Variants in KCNQ1OT1 observed in about 807,000 individuals in gnomAD.
KCNQ1OT1 encodes KCNQ1 opposite strand/antisense transcript 1.
At chr11:2,615,479 CTT>C (rs1301142551) in exon 1 of KCNQ1OT1, 1 of 397,870 alleles carries the variant, frequency 2.5e-6, no homozygotes, top group Non-Finnish European at 4.4e-6. Flanking sequence ...ATATCTTACT[CTT>C]TGTTATGGGA....
In KCNQ1OT1 at chr11:2,651,514, A is replaced by T. The variant is rs1257420201; in HGVS notation, n.48481T>A. 1 of 398,548 alleles carries T rather than the reference A, an allele frequency of 2.5e-6. No homozygotes were observed. Among genetic ancestry groups the T allele is most frequent in the Admixed American group, 4.4e-5 (1 of 22,720 alleles). 24.7% of individuals were successfully genotyped at this position (398,548 alleles called of 1,614,324 possible). ...AGAAGCTGTCAGTGTGAAGAACGTG[A>T]ATGCTAAGGGCATATGAGTGTGTCC... On this transcript the variant is annotated non_coding_transcript_exon_variant, in exon 1 of 1. Coordinates refer to ENST00000597346, the Ensembl canonical transcript of KCNQ1OT1. This position sits in a 1 kb window ranked among gnomAD's most constrained non-coding sequence, Gnocchi z 6.1.
chr11:2,677,393 C>T lies in KCNQ1OT1; in HGVS notation n.22602G>A, dbSNP rs1197275991. The T allele has an allele frequency of 2.5e-6, 1 of 398,568 alleles. No individual in the cohort carries two copies. Among genetic ancestry groups the T allele is most frequent in the Non-Finnish European group, 4.4e-6 (1 of 226,060 alleles). The allele number at this position is 398,568 out of a possible 1,614,324, so 24.7% of individuals were successfully genotyped here. A position where few individuals can be genotyped will look rare whatever the true frequency, so the allele number is the denominator to read the frequency against. ...AATCAGTTGAAGAGGAAACCAAGAT[C>T]GATGCCTAGATAAGCATTTCAGAGG... On this transcript the variant is annotated non_coding_transcript_exon_variant, in exon 1 of 1. Coordinates refer to ENST00000597346, the Ensembl canonical transcript of KCNQ1OT1. The surrounding 1 kb of genome is among the most constrained non-coding windows in gnomAD (Gnocchi z 4.5).
exon 1 of KCNQ1OT1, chr11:2,622,282 A>G (rs1215369678): frequency 2.5e-6 from 1 of 398,130 alleles, no homozygotes; most frequent in East Asian, 3.6e-5. Context: ...GTAATTTTCC[A>G]TTTTCTCAGT....
exon 1 of KCNQ1OT1, chr11:2,614,460 T>C (rs1849028554): frequency 2.5e-6 from 1 of 398,524 alleles, no homozygotes; most frequent in Non-Finnish European, 4.4e-6. Flanking sequence ...TTATTTCCAA[T>C]CTCAAGTCAT....
At chr11:2,629,914 T>A in exon 1 of KCNQ1OT1, 1 of 398,436 alleles carries the variant, frequency 2.5e-6, no homozygotes, top group Non-Finnish European at 4.4e-6. Flanking sequence ...TGTATTTATT[T>A]ATTTTTCTTG....
exon 1 of KCNQ1OT1, chr11:2,696,919 C>G (rs764065112): frequency 7.5e-6 from 3 of 398,270 alleles, no homozygotes; most frequent in Non-Finnish European, 1.3e-5. Flanking sequence ...GATCTTATAT[C>G]CAAAACCTCT....
At chr11:2,634,006 G>A (rs920882610) in exon 1 of KCNQ1OT1, 7 of 398,480 alleles carry the variant, frequency 1.8e-5, no homozygotes, top group Non-Finnish European at 3.1e-5. Flanking sequence ...GTATTTTGAT[G>A]TCAGGCAGTG....
chr11:2,644,135 C>G lies in KCNQ1OT1; in HGVS notation n.55860G>C, dbSNP rs539921829. ...GAGATTCCTATATTTGGATCTAAAT[C>G]TCTTGGGAGATTGGGAAGTGTTCAG... On this transcript the variant is annotated non_coding_transcript_exon_variant, in exon 1 of 1. Coordinates refer to ENST00000597346, the Ensembl canonical transcript of KCNQ1OT1. 1.0e-4 allele frequency: 40 copies of G among 398,522 alleles called. No individual in the cohort carries two copies. In the East Asian group the frequency reaches 1.4e-3, roughly 14 times the overall value. 24.7% of individuals were successfully genotyped at this position (398,522 alleles called of 1,614,324 possible).
chr11:2,688,335 T>C (rs1425942305), exon 1 of KCNQ1OT1: 1 of 398,624 alleles, frequency 2.5e-6, no homozygotes, highest in African/African-American at 2.1e-5. Context: ...ACAGCTTCCA[T>C]GGGGGTCTTC....
At chr11:2,619,723 T>C (rs1849132599) in exon 1 of KCNQ1OT1, 2 of 398,342 alleles carry the variant, frequency 5.0e-6, no homozygotes, top group African/African-American at 4.1e-5. Flanking sequence ...TTTTTTTTTT[T>C]TTGGAAGTAT....
Position 2,671,955 on chromosome 11 carries a change from A to C in KCNQ1OT1, n.28040T>G. On this transcript the variant is annotated non_coding_transcript_exon_variant, in exon 1 of 1. Coordinates refer to ENST00000597346, the Ensembl canonical transcript of KCNQ1OT1. This position sits in a 1 kb window ranked among gnomAD's most constrained non-coding sequence, Gnocchi z 4.7. ...GCTAGTCTCTGTATCTGGGGTAGAA[A>C]GAGTGGGCTAAAAAGTCAGCTAGCA... 2.5e-6 allele frequency: 1 copy of C among 398,632 alleles called. No homozygotes were observed. The allele number at this position is 398,632 out of a possible 1,614,324, so 24.7% of individuals were successfully genotyped here. A position where few individuals can be genotyped will look rare whatever the true frequency, so the allele number is the denominator to read the frequency against.
exon 1 of KCNQ1OT1, chr11:2,625,261 A>AT: frequency 2.5e-6 from 1 of 398,462 alleles, no homozygotes. Flanking sequence ...TTTATGTGGG[A>AT]TTTTTTTGAG....
rs1850593249 is a variant in KCNQ1OT1, at chr11:2,691,819, A to G, written n.8176T>C. Reference sequence around the variant, plus strand: ...CAGAGAATCACAAGCACTGGATCCAATGTGACCTCTGCCAGGACCATGACC... The same window carrying G: ...CAGAGAATCACAAGCACTGGATCCAGTGTGACCTCTGCCAGGACCATGACC... On this transcript the variant is annotated non_coding_transcript_exon_variant, in exon 1 of 1. Coordinates refer to ENST00000597346, the Ensembl canonical transcript of KCNQ1OT1. The surrounding 1 kb of genome is among the most constrained non-coding windows in gnomAD (Gnocchi z 6.4). 1 of 398,614 alleles carries G rather than the reference A, an allele frequency of 2.5e-6. No individual in the cohort carries two copies. The highest frequency in any genetic ancestry group is 4.4e-6 in the Non-Finnish European group (1 of 226,094). The allele number at this position is 398,614 out of a possible 1,614,324, so 24.7% of individuals were successfully genotyped here.
At chr11:2,630,382 A>G (rs1212372776) in exon 1 of KCNQ1OT1, 2 of 398,076 alleles carry the variant, frequency 5.0e-6, no homozygotes, top group Non-Finnish European at 8.9e-6. Context: ...CTTTTCTTAT[A>G]TTGTCCTTGT....
exon 1 of KCNQ1OT1, chr11:2,625,070 T>C: frequency 2.5e-6 from 1 of 398,620 alleles, no homozygotes. Context: ...TCTTTGAGAC[T>C]GCTTTTAATC....
chr11:2,621,874 G>C lies in KCNQ1OT1; in HGVS notation n.78121C>G. 5.0e-6 allele frequency: 2 copies of C among 398,062 alleles called. No homozygotes were observed. Among genetic ancestry groups the C allele is most frequent in the Non-Finnish European group, 8.9e-6 (2 of 225,854 alleles). The allele number at this position is 398,062 out of a possible 1,614,324, so 24.7% of individuals were successfully genotyped here. A position where few individuals can be genotyped will look rare whatever the true frequency, so the allele number is the denominator to read the frequency against. ...CCCCTATGGTTTTTCTTTCTAACTT[G>C]TCTCTGTTCTGATCTTTATTATTTC... On this transcript the variant is annotated non_coding_transcript_exon_variant, in exon 1 of 1. Transcript: ENST00000597346. The surrounding 1 kb of genome is among the most constrained non-coding windows in gnomAD (Gnocchi z 5.7).
chr11:2,649,241 T>C (rs1849719827), exon 1 of KCNQ1OT1: 2 of 398,456 alleles, frequency 5.0e-6, no homozygotes, highest in Admixed American at 4.4e-5. Context: ...GAGGACTTAC[T>C]CCTGTCATTT....
Position 2,621,196 on chromosome 11 carries a change from T to A in KCNQ1OT1, n.78799A>T. 2.5e-6 allele frequency: 1 copy of A among 397,782 alleles called. No homozygotes were observed. The highest frequency in any genetic ancestry group is 4.4e-6 in the Non-Finnish European group (1 of 226,046). 24.6% of individuals were successfully genotyped at this position (397,782 alleles called of 1,614,324 possible). Reference sequence around the variant, plus strand: ...TTTCACCATGTTGGCCAGGATGGTCTCGAATACCTGACCCCAGATGATCCA... The same window carrying A: ...TTTCACCATGTTGGCCAGGATGGTCACGAATACCTGACCCCAGATGATCCA... On this transcript the variant is annotated non_coding_transcript_exon_variant, in exon 1 of 1. Transcript: ENST00000597346. This position sits in a 1 kb window ranked among gnomAD's most constrained non-coding sequence, Gnocchi z 5.7.
At chr11:2,675,977 C>T in exon 1 of KCNQ1OT1, 1 of 398,642 alleles carries the variant, frequency 2.5e-6, no homozygotes, top group Non-Finnish European at 4.4e-6. Context: ...TGAAAAATAA[C>T]ACTCTCCCCA....
Sources: allele counts gnomAD v4.1 joint callset, GRCh38; gene constraint gnomAD v4.1.1; non-coding constraint Gnocchi (gnomAD v3.1); transcripts MANE v1.5; gene names NCBI Gene and HGNC (gene_info 2026-07-23, HGNC 2026-07-21).